The following DEPDC1B variants were observed in gnomAD, a reference collection of about 807,000 sequenced individuals.
The protein encoded by DEPDC1B is DEP domain containing 1B, also known as DEP domain-containing protein 1B.
In DEPDC1B, 51 loss-of-function variants were observed where a neutral mutation model predicts 66.5. The observed-to-expected ratio is 0.77, with a 90% CI of 0.61 to 0.97. The LOEUF is 0.97. Among genes scored for constraint, DEPDC1B ranks in the 50% least tolerant of loss-of-function variants. DEPDC1B has a pLI of 0.00. For missense variants in DEPDC1B, 552 were observed against 637.1 expected (o/e 0.87, Z 1.44); for synonymous variants, 226 against 223.6 (o/e 1.01, Z -0.10).
rs562639341 is a variant in DEPDC1B at position 60,670,164 on chromosome 5, C to A, written c.314+16798G>T. ...CTTTGGGAAGCCCAGGCGGGCAGAT[C>A]GCGAGGTCAGGAGATCAAGACCATC... On this transcript the variant is annotated intron_variant, in intron 2 of 10. Coordinates refer to ENST00000265036, the MANE Select transcript of DEPDC1B (RefSeq NM_018369.3). Among the ~76,000 whole-genome samples the A allele has an allele frequency of 4.6e-5, 7 of 152,266 alleles. No individual in the cohort carries two copies. In the East Asian group the frequency reaches 1.2e-3, roughly 25 times the overall value.
chr5:60,615,159 G>C (rs1478931582), intron 7 of DEPDC1B, among the ~76,000 whole-genome samples: 4 of 152,082 alleles, frequency 2.6e-5, no homozygotes, highest in African/African-American at 4.8e-5. Flanking sequence ...CTCAAAAGTA[G>C]GGGGGATGGA....
intron 7 of DEPDC1B, among the ~76,000 whole-genome samples, chr5:60,635,990 C>A (rs1043496423): frequency 6.6e-6 from 1 of 152,146 alleles, no homozygotes; most frequent in South Asian, 2.1e-4. Context: ...GTCTACCCTG[C>A]TCCTGTAGCC....
chr5:60,617,816 C>A (rs1232643285), intron 7 of DEPDC1B, among the ~76,000 whole-genome samples: 1 of 152,182 alleles, frequency 6.6e-6, no homozygotes. Flanking sequence ...ACTCTCCACC[C>A]CAAAGCAACA....
chr5:60,659,190 G>GCA (rs1454637248), intron 2 of DEPDC1B, among the ~76,000 whole-genome samples: 1 of 152,180 alleles, frequency 6.6e-6, no homozygotes, highest in African/African-American at 2.4e-5. Flanking sequence ...CAAAAGGCTT[G>GCA]CAGCCATCTT....
intron 2 of DEPDC1B, among the ~76,000 whole-genome samples, chr5:60,657,471 C>T (rs1161003316): frequency 6.6e-6 from 1 of 152,092 alleles, no homozygotes; most frequent in Non-Finnish European, 1.5e-5. Context: ...CTCCTTTTAG[C>T]AGTTCTTATA....
intron 2 of DEPDC1B, among the ~76,000 whole-genome samples, chr5:60,669,970 C>T (rs1368946714): frequency 6.6e-6 from 1 of 152,144 alleles, no homozygotes; most frequent in African/African-American, 2.4e-5. Context: ...CACAACCCCA[C>T]AATAAGTGGG....
chr5:60,648,352 T>C lies in DEPDC1B; in HGVS notation c.315-819A>G, dbSNP rs536409925. 5.9e-5 allele frequency among the ~76,000 whole-genome samples: 9 copies of C among 152,340 alleles called. 1 individual carries two copies. The South Asian group carries it at 1.9e-3, about 32-fold the overall frequency. ...CCACACCTTCCTGCCTTTGGAAGCC[T>C]TAAACTGCTTTCATGTGTCCTGACG... On this transcript the variant is annotated intron_variant, in intron 2 of 10. Transcript: ENST00000265036.
chr5:60,676,210 G>A (rs1372428683), intron 2 of DEPDC1B, among the ~76,000 whole-genome samples: 4 of 149,668 alleles, frequency 2.7e-5, no homozygotes, highest in Non-Finnish European at 4.4e-5. Context: ...GACTACAGGC[G>A]TCAGCCACTG....
Position 60,687,008 on chromosome 5 carries a change from C to T in DEPDC1B, c.268G>A (p.Gly90Arg), listed in dbSNP as rs766247215. The T allele has an allele frequency of 1.9e-6, 3 of 1,614,206 alleles. No homozygotes were observed. Among genetic ancestry groups the T allele is most frequent in the African/African-American group, 1.3e-5 (1 of 75,044 alleles). Residue 90 changes from glycine to arginine, a missense_variant, in exon 2 of 11, where the codon GGA (glycine) becomes AGA (arginine). Coordinates refer to ENST00000265036, the MANE Select transcript of DEPDC1B (RefSeq NM_018369.3). ...TCAAAATCTTCCTCACCCCATTTTC[C>T]CTTGATGTCTTCAATAACGTGATTC... ...LKNHVIEDIK[G>R]KWGEEDFEDN...
At chr5:60,698,526 T>C (rs747401841) in intron 1 of DEPDC1B, among the ~76,000 whole-genome samples, 3 of 152,212 alleles carry the variant, frequency 2.0e-5, no homozygotes, top group Non-Finnish European at 2.9e-5. Flanking sequence ...CCAAGTCACA[T>C]TATTTGTGGC....
chr5:60,678,186 T>TG (rs1754214153), intron 2 of DEPDC1B, among the ~76,000 whole-genome samples: 1 of 152,158 alleles, frequency 6.6e-6, no homozygotes, highest in Non-Finnish European at 1.5e-5. Flanking sequence ...CACTTGTGTA[T>TG]CTACCACCAA....
chr5:60,648,690 T>C (rs1030340453), intron 2 of DEPDC1B, among the ~76,000 whole-genome samples: 2 of 152,204 alleles, frequency 1.3e-5, no homozygotes, highest in Non-Finnish European at 2.9e-5. Flanking sequence ...AATAACTATT[T>C]TAAACATCAG....
intron 2 of DEPDC1B, among the ~76,000 whole-genome samples, chr5:60,656,478 T>A (rs551502947): frequency 6.6e-6 from 1 of 152,192 alleles, no homozygotes; most frequent in Admixed American, 6.5e-5. Context: ...AGATTTTCTG[T>A]CTTGATGATT....
At chr5:60,638,610 A>C (rs1561369759) in intron 7 of DEPDC1B, 140 bp downstream of exon 7, 1 of 827,650 alleles carries the variant, frequency 1.2e-6, no homozygotes, top group South Asian at 2.3e-5. Flanking sequence ...ACAGAGCAAG[A>C]CTCTAGCTAT....
chr5:60,643,268 A>C, intron 5 of DEPDC1B, among the ~76,000 whole-genome samples: 1 of 152,200 alleles, frequency 6.6e-6, no homozygotes, highest in Admixed American at 6.5e-5. Flanking sequence ...GCCCCTCAAA[A>C]AGGGTAATTC....
chr5:60,640,570 T>C (rs1240636083), intron 6 of DEPDC1B, among the ~76,000 whole-genome samples: 2 of 152,258 alleles, frequency 1.3e-5, no homozygotes, highest in African/African-American at 4.8e-5. Flanking sequence ...CTATTTTTTA[T>C]TGAATCCTGG....
chr5:60,640,552 T>A (rs1753164984), intron 6 of DEPDC1B, among the ~76,000 whole-genome samples: 1 of 152,166 alleles, frequency 6.6e-6, no homozygotes, highest in African/African-American at 2.4e-5. Context: ...GCTTTGACTT[T>A]TTTGTGTCTA....
chr5:60,694,371 T>C (rs1754612319), intron 1 of DEPDC1B, among the ~76,000 whole-genome samples: 2 of 152,350 alleles, frequency 1.3e-5, no homozygotes, highest in South Asian at 4.1e-4. Flanking sequence ...ATCCAAGTTC[T>C]GCCCAGTTCA....
chr5:60,610,712 A>C (rs1443876952), intron 7 of DEPDC1B, among the ~76,000 whole-genome samples: 1 of 152,218 alleles, frequency 6.6e-6, no homozygotes, highest in Non-Finnish European at 1.5e-5. Context: ...ACCATGTGTA[A>C]TTCAGAAAGC....
Sources: gnomAD v4.1 joint callset for allele counts (sites outside exome capture counted in the v4.1 genomes callset) on GRCh38, gnomAD v4.1.1 for gene constraint, MANE v1.5 for transcripts, NCBI Gene and HGNC (gene_info 2026-07-23, HGNC 2026-07-21) for gene names.